RRAGD: variants seen among roughly 807,000 people sequenced by gnomAD.
RRAGD encodes the protein ras-related GTP-binding protein D.
RRAGD carries 12 observed loss-of-function variants against 35.5 expected under a neutral mutation model. The observed-to-expected ratio is 0.34, with a 90% CI of 0.22 to 0.55. The LOEUF (loss-of-function observed/expected upper bound fraction) is 0.55. Among genes scored for constraint, RRAGD ranks in the 20% least tolerant of loss-of-function variants. RRAGD has a pLI of 0.91. For synonymous variants in RRAGD, 155 were observed against 178.9 expected (o/e 0.87, Z 1.07); for missense variants, 324 against 490.1 (o/e 0.66, Z 3.20).
At chr6:89,396,694 C>T (rs1418092828) in intron 1 of RRAGD, among the ~76,000 whole-genome samples, 1 of 147,858 alleles carries the variant, frequency 6.8e-6, no homozygotes, top group African/African-American at 2.5e-5. Context: ...GCTGGGATTA[C>T]AGGCATGAGC....
At chr6:89,380,850 T>A (rs951016018) in intron 2 of RRAGD, among the ~76,000 whole-genome samples, 1 of 149,668 alleles carries the variant, frequency 6.7e-6, no homozygotes, top group Non-Finnish European at 1.5e-5. Flanking sequence ...GAGATTGCAG[T>A]GAGCTGAGAT....
At chr6:89,372,701 C>T (rs1768874499) in intron 5 of RRAGD, 116 bp from the exon 6 acceptor site, 1 of 985,212 alleles carries the variant, frequency 1.0e-6, no homozygotes, top group African/African-American at 1.7e-5. Flanking sequence ...GTTGTTTACA[C>T]TTGCAGTGCC....
intron 1 of RRAGD, among the ~76,000 whole-genome samples, chr6:89,406,971 G>A (rs1030106729): frequency 6.6e-6 from 1 of 152,158 alleles, no homozygotes; most frequent in African/African-American, 2.4e-5. Flanking sequence ...GGGGACAAGC[G>A]AACTTTTCCC....
At position 89,365,705 on chromosome 6, in the gene RRAGD, A is replaced by G. The variant is rs966135876; in HGVS notation, c.*2351T>C. On this transcript the variant is annotated 3_prime_UTR_variant, in exon 7 of 7. Coordinates refer to ENST00000369415, the MANE Select transcript of RRAGD (RefSeq NM_021244.5). ...ATTTTTGCCTTTCCCCCAAAGAATC[A>G]TTTGCTCTTGAAGTAATAGGCTTTT... 3 of 152,142 alleles carry G rather than the reference A, an allele frequency of 2.0e-5. No homozygotes were observed. The highest frequency in any genetic ancestry group is 7.2e-5 in the African/African-American group (3 of 41,432). 9.4% of individuals were successfully genotyped at this position (152,142 alleles called of 1,614,324 possible).
At chr6:89,393,563 C>T (rs1367400967) in intron 1 of RRAGD, among the ~76,000 whole-genome samples, 1 of 152,176 alleles carries the variant, frequency 6.6e-6, no homozygotes, top group East Asian at 1.9e-4. Flanking sequence ...GGAAGCATCC[C>T]CACTACTGCC....
Position 89,379,242 on chromosome 6 carries a change from C to A in RRAGD, c.741G>T (p.Leu247Phe). 1 of 1,584,534 alleles carries A rather than the reference C, an allele frequency of 6.3e-7. No homozygotes were observed. The highest frequency in any genetic ancestry group is 8.6e-7 in the Non-Finnish European group (1 of 1,158,868). Reference protein sequence around the residue: ...LIPQLPTLENLLNIFISNSGI... With the variant: ...LIPQLPTLENFLNIFISNSGI... ...TACTTACTGAGATAAAGATGTTCAG[C>A]AAATTCTCCAGAGTTGGGAGTTGTG... Residue 247 changes from leucine to phenylalanine, a missense_variant, in exon 4 of 7, where the codon TTG becomes TTT. By Grantham distance (22) the Leu-to-Phe change is conservative. Coordinates refer to ENST00000369415, the MANE Select transcript of RRAGD (RefSeq NM_021244.5).
At chr6:89,370,707 A>G (rs1054255692) in intron 6 of RRAGD, among the ~76,000 whole-genome samples, 1 of 152,202 alleles carries the variant, frequency 6.6e-6, no homozygotes, top group Admixed American at 6.5e-5. Context: ...ATCTAATACA[A>G]TCATTAAAAT....
At chr6:89,400,331 C>T (rs1011865227) in intron 1 of RRAGD, among the ~76,000 whole-genome samples, 3 of 151,936 alleles carry the variant, frequency 2.0e-5, no homozygotes, top group African/African-American at 7.3e-5. Flanking sequence ...GGTGAAATTT[C>T]CCTGGGTTTA....
In RRAGD at chr6:89,368,884, T is replaced by C. The variant is rs527270401; in HGVS notation, c.1052-677A>G. On this transcript the variant is annotated intron_variant, in intron 6 of 6. Transcript: ENST00000369415. ...TAGAATAAAAGATAATCCAAAGTCT[T>C]GATGAGTGCATTTTTCATCATTACT... is the stretch of plus-strand genomic sequence containing the variant. 3.0e-4 allele frequency among the ~76,000 whole-genome samples: 45 copies of C among 152,310 alleles called. 2 individuals carry two copies. The South Asian group carries it at 8.3e-3, about 28-fold the overall frequency.
intron 1 of RRAGD, among the ~76,000 whole-genome samples, chr6:89,402,910 T>G (rs146898766): frequency 1.4e-3 from 215 of 152,256 alleles, no homozygotes; most frequent in African/African-American, 4.9e-3. Flanking sequence ...TGGTTGCCAT[T>G]TACTGACCAC....
At chr6:89,379,429 T>C (rs1769005496) in intron 3 of RRAGD, 91 bp from the exon 4 acceptor site, 1 of 638,082 alleles carries the variant, frequency 1.6e-6, no homozygotes, top group Non-Finnish European at 2.8e-6. Flanking sequence ...ATCTGCCTTC[T>C]GTATGTATAG....
At chr6:89,401,262 ATT>A (rs71556519) in intron 1 of RRAGD, among the ~76,000 whole-genome samples, 2 of 139,428 alleles carry the variant, frequency 1.4e-5, no homozygotes, top group Middle Eastern at 3.4e-3. Context: ...CCCACAATAT[ATT>A]TTTTTTTTTT....
At chr6:89,385,511 A>C (rs1420920483) in intron 2 of RRAGD, among the ~76,000 whole-genome samples, 1 of 152,174 alleles carries the variant, frequency 6.6e-6, no homozygotes, top group Non-Finnish European at 1.5e-5. Context: ...TAAGCTCCCT[A>C]ATTTATGGTG....
chr6:89,374,552 G>A (rs1768902557), intron 5 of RRAGD, among the ~76,000 whole-genome samples: 1 of 152,080 alleles, frequency 6.6e-6, no homozygotes, highest in Admixed American at 6.5e-5. Context: ...CCAACATGGA[G>A]AAACTCCGTC....
chr6:89,394,705 A>AT (rs1200016259), intron 1 of RRAGD, among the ~76,000 whole-genome samples: 4 of 152,048 alleles, frequency 2.6e-5, no homozygotes, highest in Admixed American at 1.3e-4. Flanking sequence ...ATAGTTAAGT[A>AT]TTTTTTTTAA....
intron 1 of RRAGD, among the ~76,000 whole-genome samples, chr6:89,402,038 ATTTTTTTTT>A (rs71556520): frequency 1.1e-4 from 9 of 78,440 alleles, no homozygotes; most frequent in Admixed American, 1.6e-4. Context: ...AATCCTAAGG[ATTTTTTTTT>A]TTTTTTTTTT....
chr6:89,390,565 G>C (rs556389690), intron 1 of RRAGD, among the ~76,000 whole-genome samples: 25 of 152,298 alleles, frequency 1.6e-4, no homozygotes, highest in Non-Finnish European at 4.4e-5. Context: ...CCACTGGTGG[G>C]AATACAAAAT....
intron 1 of RRAGD, among the ~76,000 whole-genome samples, chr6:89,409,681 C>T (rs1254251153): frequency 6.6e-6 from 1 of 152,188 alleles, no homozygotes; most frequent in Non-Finnish European, 1.5e-5. Flanking sequence ...GAGCAGTCCT[C>T]GCTGGAATTG....
At chr6:89,377,174 C>T (rs1768963026) in intron 5 of RRAGD, among the ~76,000 whole-genome samples, 1 of 152,160 alleles carries the variant, frequency 6.6e-6, no homozygotes, top group Admixed American at 6.5e-5. Flanking sequence ...GGTAAGGCTT[C>T]CAGTCAACAG....
Sources: allele counts gnomAD v4.1 joint callset (sites outside exome capture counted in the v4.1 genomes callset), GRCh38; gene constraint gnomAD v4.1.1; transcripts MANE v1.5; gene names NCBI Gene and HGNC (gene_info 2026-07-23, HGNC 2026-07-21).